The following CFAP61 variants were observed in gnomAD, a reference collection of about 807,000 sequenced individuals.
CFAP61 encodes the protein cilia- and flagella-associated protein 61.
Under a neutral mutation model 135.6 loss-of-function variants are expected in CFAP61, and 107 were observed. That is an observed-to-expected ratio of 0.79 (90% CI 0.67 to 0.93). CFAP61 has a LOEUF of 0.93. CFAP61 is among the 40% of genes least tolerant of loss of function. The pLI is 0.00. For missense variants in CFAP61, 1,507 were observed against 1,556.2 expected, an observed-to-expected ratio of 0.97 and a Z score of 0.53; for synonymous variants, 575 against 578.5, an observed-to-expected ratio of 0.99 and a Z score of 0.09.
At chr20:20,109,898 C>T (rs1486639093) in intron 8 of CFAP61, among the ~76,000 whole-genome samples, 1 of 151,700 alleles carries the variant, frequency 6.6e-6, no homozygotes, top group Non-Finnish European at 1.5e-5. Context: ...TGTCTAATTG[C>T]CTGATTCATT....
chr20:20,283,633 A>G (rs1028141613), intron 22 of CFAP61, among the ~76,000 whole-genome samples: 5 of 152,228 alleles, frequency 3.3e-5, no homozygotes, highest in Non-Finnish European at 1.5e-5. Flanking sequence ...CAAGGTGCCA[A>G]TCAGGCTGCA....
At chr20:20,157,999 C>A (rs1243949704) in intron 9 of CFAP61, among the ~76,000 whole-genome samples, 2 of 151,248 alleles carry the variant, frequency 1.3e-5, no homozygotes, top group Non-Finnish European at 2.9e-5. Context: ...GAACAAAAAA[C>A]CAAACACCGC....
rs1568961406 is a variant in CFAP61, at chr20:20,127,270, A to AT, written c.860-15581dup. 3.3e-5 allele frequency among the ~76,000 whole-genome samples: 5 copies of AT among 151,536 alleles called. No individual in the cohort carries two copies. The East Asian group carries it at 5.9e-4, about 18-fold the overall frequency. The stretch of plus-strand genomic sequence containing the variant: ...GATCCATTGCTGGTGAACTAGTGTG[A>AT]TTTTTTGGGGTTGTTAAAGAGCCTT... On this transcript the variant is annotated intron_variant, in intron 8 of 26. Coordinates refer to ENST00000245957, the MANE Select transcript of CFAP61 (RefSeq NM_015585.4).
At chr20:20,327,467 T>G (rs1602035805) in intron 25 of CFAP61, among the ~76,000 whole-genome samples, 1 of 152,198 alleles carries the variant, frequency 6.6e-6, no homozygotes, top group Middle Eastern at 3.4e-3. Flanking sequence ...TCAGAAAAAT[T>G]AAACTGAAAT....
chr20:20,092,361 C>T (rs1271823388), intron 7 of CFAP61, among the ~76,000 whole-genome samples: 1 of 152,202 alleles, frequency 6.6e-6, no homozygotes, highest in Non-Finnish European at 1.5e-5. Context: ...CTATTGGGCC[C>T]AAAAGGCAGC....
At chr20:20,127,459 G>C (rs2050151603) in intron 8 of CFAP61, among the ~76,000 whole-genome samples, 1 of 151,692 alleles carries the variant, frequency 6.6e-6, no homozygotes, top group East Asian at 1.9e-4. Flanking sequence ...GTGGCTTCCT[G>C]TGAGCTGAAC....
chr20:20,263,256 C>A, intron 21 of CFAP61, 126 bp downstream of exon 21: 1 of 631,820 alleles, frequency 1.6e-6, no homozygotes, highest in Non-Finnish European at 2.4e-6. Context: ...ATTCATCTGT[C>A]ATGCTTTGTT....
chr20:20,166,140 A>G (rs1489756267), intron 11 of CFAP61, among the ~76,000 whole-genome samples: 1 of 152,212 alleles, frequency 6.6e-6, no homozygotes, highest in Admixed American at 6.5e-5. Context: ...GCACAGAATG[A>G]CCAATTTTGT....
chr20:20,065,845 G>C (rs1327051734), intron 2 of CFAP61, among the ~76,000 whole-genome samples: 1 of 152,124 alleles, frequency 6.6e-6, no homozygotes, highest in Non-Finnish European at 1.5e-5. Flanking sequence ...CTGTGCCCAG[G>C]CTGCAGTTTG....
chr20:20,189,165 A>G (rs1014301059), intron 14 of CFAP61, among the ~76,000 whole-genome samples: 1 of 152,224 alleles, frequency 6.6e-6, no homozygotes, highest in Non-Finnish European at 1.5e-5. Context: ...GGGAGACGCC[A>G]AACACCTAAA....
intron 18 of CFAP61, among the ~76,000 whole-genome samples, chr20:20,240,760 T>C (rs552831306): frequency 6.6e-6 from 1 of 152,306 alleles, no homozygotes; most frequent in African/African-American, 2.4e-5. Context: ...AAAAACTACA[T>C]TTTCCAGACT....
intron 17 of CFAP61, among the ~76,000 whole-genome samples, chr20:20,201,917 G>A (rs9941749): frequency 0.048 from 7,339 of 152,212 alleles, 233 homozygotes; most frequent in Middle Eastern, 0.11. Flanking sequence ...GAGCTGCTGC[G>A]TGGATATCAG....
rs117967852 is a variant in CFAP61 at position 20,210,658 on chromosome 20, G to T, written c.1932+10756G>T. ...AGACCACGAATGCCCCTCTGGGGCT[G>T]GCCGACTCCCTCTGGCTCATGGAAG... On this transcript the variant is annotated intron_variant, in intron 17 of 26. Transcript: ENST00000245957. 4.7e-3 allele frequency among the ~76,000 whole-genome samples: 715 copies of T among 152,312 alleles called. 4 individuals are homozygous for T. Among genetic ancestry groups the T allele is most frequent in the Non-Finnish European group, 6.8e-3 (463 of 68,020 alleles).
intron 25 of CFAP61, among the ~76,000 whole-genome samples, chr20:20,325,910 A>C (rs1427086026): frequency 6.6e-6 from 1 of 152,140 alleles, no homozygotes. Context: ...AGCCATACCC[A>C]TTGTTGTTTT....
At chr20:20,109,725 T>C (rs1393361898) in intron 8 of CFAP61, among the ~76,000 whole-genome samples, 1 of 152,204 alleles carries the variant, frequency 6.6e-6, no homozygotes, top group Admixed American at 6.5e-5. Flanking sequence ...CTTTTTACTC[T>C]GTCTTGTCTT....
intron 17 of CFAP61, among the ~76,000 whole-genome samples, chr20:20,219,912 C>T (rs2048284847): frequency 6.6e-6 from 1 of 152,126 alleles, no homozygotes; most frequent in Non-Finnish European, 1.5e-5. Flanking sequence ...CTTTTGTTAC[C>T]ATATTTTGTT....
At chr20:20,269,117 C>CTATATATATATATATA (rs142189443) in intron 21 of CFAP61, among the ~76,000 whole-genome samples, 1 of 104,572 alleles carries the variant, frequency 9.6e-6, no homozygotes, top group Non-Finnish European at 2.0e-5. Flanking sequence ...TATTCGTGGG[C>CTATATATATATATATA]TATATATATA....
chr20:20,311,440 T>G (rs541419299), intron 25 of CFAP61, among the ~76,000 whole-genome samples: 1 of 152,350 alleles, frequency 6.6e-6, no homozygotes, highest in East Asian at 1.9e-4. Context: ...TGAAGGACTG[T>G]GATCTTTGAG....
chr20:20,289,970 T>A (rs2054881182), intron 23 of CFAP61, among the ~76,000 whole-genome samples: 1 of 152,210 alleles, frequency 6.6e-6, no homozygotes, highest in Non-Finnish European at 1.5e-5. Context: ...TTTGCAACAT[T>A]TAAGGCTTCT....
Sources: gnomAD v4.1 joint callset for allele counts (sites outside exome capture counted in the v4.1 genomes callset) on GRCh38, gnomAD v4.1.1 for gene constraint, MANE v1.5 for transcripts, NCBI Gene and HGNC (gene_info 2026-07-23, HGNC 2026-07-21) for gene names.